The following KCNMA1 variants were observed in gnomAD, a reference collection of about 807,000 sequenced individuals.
KCNMA1 encodes Calcium-activated potassium channel subunit alpha-1.
In KCNMA1, 29 loss-of-function variants were observed where a neutral mutation model predicts 140.0. That is an observed-to-expected ratio of 0.21 (90% CI 0.15 to 0.28). The LOEUF is 0.28. KCNMA1 is among the 10% of genes least tolerant of loss of function. The probability of loss-of-function intolerance (pLI) is 1.00; values close to 1 mark genes in which losing one functional copy is unlikely to be tolerated. For missense variants in KCNMA1, 880 were observed against 1,602.2 expected (o/e 0.55, Z 7.70); for synonymous variants, 612 against 611.9 (o/e 1.00, Z 0.00).
intron 2 of KCNMA1, among the ~76,000 whole-genome samples, chr10:77,387,337 A>G (rs978176307): frequency 2.6e-5 from 4 of 152,224 alleles, no homozygotes; most frequent in Non-Finnish European, 4.4e-5. Context: ...TGGGGTATCA[A>G]ATACTAGACA....
At chr10:77,528,357 C>T (rs982862143) in intron 1 of KCNMA1, among the ~76,000 whole-genome samples, 2 of 152,120 alleles carry the variant, frequency 1.3e-5, no homozygotes, top group Non-Finnish European at 2.9e-5. Flanking sequence ...GCCTGTAATC[C>T]CAGTACTTTG....
intron 19 of KCNMA1, among the ~76,000 whole-genome samples, chr10:77,000,833 G>C (rs993832484): frequency 1.4e-4 from 17 of 120,422 alleles, no homozygotes; most frequent in Non-Finnish European, 2.9e-4. Context: ...TGAGGCACAG[G>C]TTAGAGAGAC....
chr10:77,000,320 C>A (rs2085809719), intron 19 of KCNMA1, among the ~76,000 whole-genome samples: 7 of 152,210 alleles, frequency 4.6e-5, no homozygotes, highest in Admixed American at 4.6e-4. Context: ...GTAAAGTCCT[C>A]CAGTGGAACC....
chr10:77,500,705 C>T (rs1939204846), intron 1 of KCNMA1, among the ~76,000 whole-genome samples: 1 of 152,168 alleles, frequency 6.6e-6, no homozygotes, highest in South Asian at 2.1e-4. Flanking sequence ...AGACAAGTGA[C>T]AGAAACCCAG....
chr10:77,262,727 C>T lies in KCNMA1; in HGVS notation c.541-11471G>A, dbSNP rs575624031. Among the ~76,000 whole-genome samples the T allele has an allele frequency of 2.0e-5, 3 of 152,158 alleles. No individual in the cohort carries two copies. In the East Asian group the frequency reaches 5.8e-4, roughly 29 times the overall value. ...GCTCCCTCTCTTGCCATGTGATACA[C>T]CAGCTCTCCCTTTGCCTTCCGCCAT... On this transcript the variant is annotated intron_variant, in intron 2 of 27. Transcript: ENST00000286628.
intron 5 of KCNMA1, among the ~76,000 whole-genome samples, chr10:77,134,753 C>T (rs1032410549): frequency 6.6e-6 from 1 of 151,968 alleles, no homozygotes; most frequent in Admixed American, 6.5e-5. Flanking sequence ...AATCCCAGCA[C>T]TTTGGGAGGC....
chr10:77,435,602 C>T (rs10824542), intron 1 of KCNMA1, among the ~76,000 whole-genome samples: 19,194 of 152,250 alleles, frequency 0.13, 1,262 homozygotes, highest in Middle Eastern at 0.19. Context: ...GTATCTGCTA[C>T]ACCACCTGTG....
At chr10:77,501,633 G>A (rs937204827) in intron 1 of KCNMA1, among the ~76,000 whole-genome samples, 1 of 152,176 alleles carries the variant, frequency 6.6e-6, no homozygotes, top group African/African-American at 2.4e-5. Flanking sequence ...TGGCAAGACT[G>A]CAGAGCTGAG....
chr10:77,516,451 A>G (rs886071725), intron 1 of KCNMA1, among the ~76,000 whole-genome samples: 2 of 152,108 alleles, frequency 1.3e-5, no homozygotes, highest in Non-Finnish European at 2.9e-5. Flanking sequence ...CCACTACTAG[A>G]CCTAACCCAA....
chr10:77,582,596 T>G lies in KCNMA1; in HGVS notation c.378+54669A>C, dbSNP rs141665675. On this transcript the variant is annotated intron_variant, in intron 1 of 27. Coordinates refer to ENST00000286628, the MANE Select transcript of KCNMA1 (RefSeq NM_001161352.2). ...AAGTAAAATTTTTAAAAAATGTTCA[T>G]TCCCCCGGAAGTAGCCCCAACCTTG... 5.3e-3 allele frequency among the ~76,000 whole-genome samples: 814 copies of G among 152,302 alleles called. 4 individuals are homozygous for G. Among genetic ancestry groups the G allele is most frequent in the African/African-American group, 0.019 (793 of 41,574 alleles).
chr10:76,955,235 G>A (rs2067781694), intron 20 of KCNMA1, among the ~76,000 whole-genome samples: 1 of 150,354 alleles, frequency 6.7e-6, no homozygotes, highest in Non-Finnish European at 1.5e-5. Flanking sequence ...GCTCTGCAGA[G>A]GCTGACTTTT....
chr10:77,019,357 C>T, intron 16 of KCNMA1: 2 of 491,574 alleles, frequency 4.1e-6, no homozygotes, highest in South Asian at 2.2e-5. Flanking sequence ...GGTATTAGGG[C>T]CTGGGTTTAT....
chr10:76,932,587 C>T (rs2059545101), intron 23 of KCNMA1, among the ~76,000 whole-genome samples: 2 of 152,146 alleles, frequency 1.3e-5, no homozygotes, highest in African/African-American at 4.8e-5. Context: ...TACACTGATC[C>T]CTCGGTGTTT....
At chr10:77,589,728 G>T (rs1381516296) in intron 1 of KCNMA1, among the ~76,000 whole-genome samples, 1 of 152,120 alleles carries the variant, frequency 6.6e-6, no homozygotes, top group Admixed American at 6.5e-5. Context: ...GGTCTCGCTG[G>T]CTCAGGCAGG....
intron 3 of KCNMA1, among the ~76,000 whole-genome samples, chr10:77,219,152 C>T (rs1348049876): frequency 6.6e-6 from 1 of 152,172 alleles, no homozygotes; most frequent in Admixed American, 6.5e-5. Context: ...AGAGCTTTTG[C>T]TTCACAGACA....
intron 3 of KCNMA1, among the ~76,000 whole-genome samples, chr10:77,221,303 T>C (rs2049581958): frequency 6.6e-6 from 1 of 152,122 alleles, no homozygotes; most frequent in African/African-American, 2.4e-5. Context: ...TTAACGAATC[T>C]TCCCAAGACC....
At chr10:77,036,127 C>A (rs1168160894) in intron 15 of KCNMA1, among the ~76,000 whole-genome samples, 2 of 152,170 alleles carry the variant, frequency 1.3e-5, no homozygotes, top group Non-Finnish European at 2.9e-5. Context: ...CTTTCTCCTG[C>A]GCTGGATGCT....
At chr10:77,083,868 G>A (rs1044285332) in intron 12 of KCNMA1, among the ~76,000 whole-genome samples, 20 of 151,662 alleles carry the variant, frequency 1.3e-4, no homozygotes, top group African/African-American at 4.9e-4. Flanking sequence ...TGGGGGAGGT[G>A]GGAGAGGAGC....
intron 14 of KCNMA1, among the ~76,000 whole-genome samples, chr10:77,054,893 C>A (rs115902215): frequency 1.3e-5 from 2 of 152,020 alleles, no homozygotes; most frequent in African/African-American, 4.8e-5. Context: ...TACCAGGAGA[C>A]GCACAGGATG....
Sources: gnomAD v4.1 joint callset for allele counts (sites outside exome capture counted in the v4.1 genomes callset) on GRCh38, gnomAD v4.1.1 for gene constraint, MANE v1.5 for transcripts, NCBI Gene and HGNC (gene_info 2026-07-23, HGNC 2026-07-21) for gene names.